PTPRM: variants seen among roughly 807,000 people sequenced by gnomAD.
PTPRM encodes receptor-type tyrosine-protein phosphatase mu.
In PTPRM, 47 loss-of-function variants were observed where a neutral mutation model predicts 186.7. That is an observed-to-expected ratio of 0.25 (90% confidence interval 0.20 to 0.32). PTPRM has a LOEUF of 0.32. PTPRM is among the 10% of genes least tolerant of loss of function. PTPRM has a pLI of 1.00. For synonymous variants in PTPRM, 668 were observed against 674.9 expected, an observed-to-expected ratio of 0.99 and a Z score of 0.16; for missense variants, 1,494 against 1,865.0, an observed-to-expected ratio of 0.80 and a Z score of 3.66.
chr18:7,567,780 C>G lies in PTPRM; in HGVS notation c.-39C>G. ...CCCCCTCCGCCCTCGCGCGCCCACC[C>G]ACCGCCGCCGGGGAGCGGCCCGGCC... is the stretch of plus-strand genomic sequence containing the variant. On this transcript the variant is annotated 5_prime_UTR_variant, in exon 1 of 33. Coordinates refer to ENST00000580170, the MANE Select transcript of PTPRM (RefSeq NM_001105244.2). The surrounding 1 kb of genome is among the most constrained non-coding windows in gnomAD (Gnocchi z 4.3). 2 of 1,506,844 alleles carry G rather than the reference C, an allele frequency of 1.3e-6. No individual in the cohort carries two copies. The highest frequency in any genetic ancestry group is 1.8e-6 in the Non-Finnish European group (2 of 1,134,394). 93.3% of individuals were successfully genotyped at this position (1,506,844 alleles called of 1,614,324 possible).
chr18:8,363,023 T>A (rs1050985388), intron 23 of PTPRM, among the ~76,000 whole-genome samples: 1 of 152,214 alleles, frequency 6.6e-6, no homozygotes, highest in African/African-American at 2.4e-5. Context: ...CTATGTCTCC[T>A]TGCTCTCTGC....
rs762245503 is a variant in PTPRM at position 7,899,293 on chromosome 18, G to C, written c.469-7212G>C. On this transcript the variant is annotated intron_variant, in intron 3 of 32. Transcript: ENST00000580170. ...ACATTGCCCTGCCTGACTTCAGCTA[G>C]GAACATGTGTGTTGAGCAACTCACA... 2.6e-4 allele frequency among the ~76,000 whole-genome samples: 39 copies of C among 152,204 alleles called. 1 individual carries two copies. Among genetic ancestry groups the C allele is most frequent in the Non-Finnish European group, 8.8e-5 (6 of 68,042 alleles).
chr18:8,079,039 C>A (rs577008738), intron 9 of PTPRM, among the ~76,000 whole-genome samples: 2 of 152,334 alleles, frequency 1.3e-5, no homozygotes, highest in African/African-American at 4.8e-5. Context: ...TTAGATTATT[C>A]TCTGTTCTCT....
chr18:7,878,931 G>C (rs2048367530), intron 2 of PTPRM, among the ~76,000 whole-genome samples: 1 of 152,182 alleles, frequency 6.6e-6, no homozygotes, highest in Non-Finnish European at 1.5e-5. Context: ...GTTCTAAATA[G>C]TCAACCTGTC....
chr18:8,048,584 T>TA (rs1413820871), intron 7 of PTPRM, among the ~76,000 whole-genome samples: 304 of 150,472 alleles, frequency 2.0e-3, no homozygotes, highest in African/African-American at 7.1e-3. Context: ...GAAGTCTTTT[T>TA]TAAAAAAAAA....
intron 1 of PTPRM, among the ~76,000 whole-genome samples, chr18:7,665,357 C>T (rs1029957691): frequency 3.3e-5 from 5 of 152,048 alleles, no homozygotes; most frequent in Admixed American, 2.0e-4. Context: ...TGATGTTGTA[C>T]AGTCTATGGT....
intron 14 of PTPRM, among the ~76,000 whole-genome samples, chr18:8,223,953 A>G (rs2094184098): frequency 6.6e-6 from 1 of 152,146 alleles, no homozygotes; most frequent in Non-Finnish European, 1.5e-5. Context: ...CATGACACAG[A>G]CTAGGTCATT....
At chr18:8,118,826 A>G (rs1304063473) in intron 13 of PTPRM, among the ~76,000 whole-genome samples, 1 of 146,976 alleles carries the variant, frequency 6.8e-6, no homozygotes, top group Non-Finnish European at 1.5e-5. Flanking sequence ...ATATATATAT[A>G]TATATATGAG....
chr18:7,805,145 C>G (rs1449610700), intron 2 of PTPRM, among the ~76,000 whole-genome samples: 1 of 152,228 alleles, frequency 6.6e-6, no homozygotes, highest in African/African-American at 2.4e-5. Flanking sequence ...CAGCCTTCAC[C>G]AACACATCTC....
chr18:7,660,952 C>G (rs552630213), intron 1 of PTPRM, among the ~76,000 whole-genome samples: 1 of 150,770 alleles, frequency 6.6e-6, no homozygotes, highest in African/African-American at 2.4e-5. Flanking sequence ...GCCTAGGTGA[C>G]AGAGCAAGAC....
intron 2 of PTPRM, among the ~76,000 whole-genome samples, chr18:7,849,044 G>A (rs752444890): frequency 2.0e-5 from 3 of 152,032 alleles, no homozygotes; most frequent in Non-Finnish European, 2.9e-5. Flanking sequence ...CCCTGCCACA[G>A]GGGAACGCAT....
At chr18:7,708,661 C>T (rs2040147940) in intron 1 of PTPRM, among the ~76,000 whole-genome samples, 1 of 152,074 alleles carries the variant, frequency 6.6e-6, no homozygotes, top group African/African-American at 2.4e-5. Context: ...CTTCTTAGTA[C>T]AGAAGTGGAA....
chr18:8,119,759 C>G (rs1382220261), intron 13 of PTPRM, among the ~76,000 whole-genome samples: 2 of 152,058 alleles, frequency 1.3e-5, no homozygotes, highest in Non-Finnish European at 2.9e-5. Context: ...CAACAAGCTT[C>G]CAGGAGATCC....
chr18:7,919,321 T>C (rs1211170437), intron 4 of PTPRM, among the ~76,000 whole-genome samples: 3 of 152,190 alleles, frequency 2.0e-5, no homozygotes, highest in Non-Finnish European at 4.4e-5. Context: ...ATATTTTCTA[T>C]TTCTGTTAAG....
chr18:7,780,518 A>G (rs1233222664), intron 2 of PTPRM, among the ~76,000 whole-genome samples: 2 of 152,176 alleles, frequency 1.3e-5, no homozygotes, highest in South Asian at 2.1e-4. Context: ...TGCTGGCTCT[A>G]TCAATGTGCA....
At chr18:7,623,019 G>T (rs1290101527) in intron 1 of PTPRM, among the ~76,000 whole-genome samples, 1 of 152,012 alleles carries the variant, frequency 6.6e-6, no homozygotes, top group African/African-American at 2.4e-5. Context: ...CTGTGATTCT[G>T]GGCAGTCAAA....
Position 8,021,533 on chromosome 18 carries a change from C to T in PTPRM, c.1133-48153C>T, listed in dbSNP as rs549550798. Among the ~76,000 whole-genome samples, 12 of 152,066 alleles carry T rather than the reference C, an allele frequency of 7.9e-5. No individual in the cohort carries two copies. In the East Asian group the frequency reaches 9.7e-4, roughly 12 times the overall value. On this transcript the variant is annotated intron_variant, in intron 7 of 32. Transcript: ENST00000580170. ...CTCCCTCCTCTTGCCCCCCACTCCT[C>T]GAAAGGCCCTGGTGTGTGTTGTTCC...
intron 7 of PTPRM, among the ~76,000 whole-genome samples, chr18:8,056,671 A>C (rs2087972112): frequency 6.6e-6 from 1 of 151,844 alleles, no homozygotes; most frequent in Admixed American, 6.6e-5. Flanking sequence ...GCTTATTTAC[A>C]TTTAACTGGA....
chr18:7,775,910 T>C (rs1396064126), intron 2 of PTPRM, among the ~76,000 whole-genome samples: 1 of 152,234 alleles, frequency 6.6e-6, no homozygotes, highest in Non-Finnish European at 1.5e-5. Flanking sequence ...TCCTTTTCTT[T>C]TTTTCAATGG....
Sources: allele counts gnomAD v4.1 joint callset (sites outside exome capture counted in the v4.1 genomes callset), GRCh38; gene constraint gnomAD v4.1.1; non-coding constraint Gnocchi (gnomAD v3.1); transcripts MANE v1.5; gene names NCBI Gene and HGNC (gene_info 2026-07-23, HGNC 2026-07-21).